The following GRIP1 variants were observed in gnomAD, a reference collection of about 807,000 sequenced individuals.
The protein encoded by GRIP1 is glutamate receptor interacting protein 1, also known as glutamate receptor-interacting protein 1.
Under a neutral mutation model 129.9 loss-of-function variants are expected in GRIP1, and 45 were observed. That is an observed-to-expected ratio of 0.35 (90% CI 0.27 to 0.44). GRIP1 has a LOEUF of 0.44. Ranked by LOEUF, GRIP1 falls within the 20% of genes least tolerant of loss-of-function variation. The probability of loss-of-function intolerance (pLI) is 1.00; values close to 1 mark genes in which losing one functional copy is unlikely to be tolerated. For synonymous variants in GRIP1, 530 were observed against 520.8 expected, an observed-to-expected ratio of 1.02 and a Z score of -0.24; for missense variants, 1,196 against 1,396.8, an observed-to-expected ratio of 0.86 and a Z score of 2.29.
chr12:67,020,774 T>A (rs955808658), intron 1 of GRIP1, among the ~76,000 whole-genome samples: 1 of 152,174 alleles, frequency 6.6e-6, no homozygotes, highest in Non-Finnish European at 1.5e-5. Flanking sequence ...TATAAAGTAT[T>A]GTTGACATAA....
intron 1 of GRIP1, among the ~76,000 whole-genome samples, chr12:67,053,151 G>A (rs1159684163): frequency 2.0e-5 from 3 of 152,164 alleles, no homozygotes; most frequent in Non-Finnish European, 4.4e-5. Flanking sequence ...CAGGAGGAAG[G>A]GGTAGATCAC....
At position 66,600,697 on chromosome 12, in the gene GRIP1, G is replaced by C. The variant is rs528740678; in HGVS notation, c.56-3770C>G. Among the ~76,000 whole-genome samples the C allele has an allele frequency of 3.2e-4, 49 of 152,234 alleles. No homozygotes were observed. In the South Asian group the frequency reaches 4.8e-3, roughly 15 times the overall value. On this transcript the variant is annotated intron_variant, in intron 1 of 24. Coordinates refer to ENST00000359742, the MANE Select transcript of GRIP1 (RefSeq NM_001366722.1). ...TCCTTCCATTTTCATTCAGATTATA[G>C]AATGATTTATTGACCAACCTTTAAA...
intron 1 of GRIP1, among the ~76,000 whole-genome samples, chr12:66,601,473 G>A (rs1320140981): frequency 6.6e-6 from 1 of 152,026 alleles, no homozygotes; most frequent in African/African-American, 2.4e-5. Context: ...TCTCACTCTG[G>A]GCTATGCAGA....
intron 1 of GRIP1, among the ~76,000 whole-genome samples, chr12:66,674,612 A>T (rs2034237934): frequency 6.6e-6 from 1 of 152,178 alleles, no homozygotes; most frequent in Non-Finnish European, 1.5e-5. Context: ...GTCAGAGAGA[A>T]TTGAGAATAA....
chr12:67,046,599 T>C (rs1360426830), intron 1 of GRIP1, among the ~76,000 whole-genome samples: 1 of 152,214 alleles, frequency 6.6e-6, no homozygotes, highest in Non-Finnish European at 1.5e-5. Flanking sequence ...GTTACTGAAA[T>C]CTTTTCTAAT....
intron 1 of GRIP1, among the ~76,000 whole-genome samples, chr12:66,732,294 T>C (rs1263449002): frequency 3.3e-5 from 5 of 152,192 alleles, no homozygotes; most frequent in African/African-American, 1.2e-4. Flanking sequence ...CTCACACCTG[T>C]AATCCCAGTA....
At chr12:66,774,165 C>A (rs2037907607) in intron 1 of GRIP1, among the ~76,000 whole-genome samples, 1 of 152,148 alleles carries the variant, frequency 6.6e-6, no homozygotes, top group Non-Finnish European at 1.5e-5. Flanking sequence ...CCACCATATA[C>A]TCATTGTGTG....
intron 3 of GRIP1, among the ~76,000 whole-genome samples, chr12:66,540,891 C>T (rs905361841): frequency 4.6e-5 from 7 of 152,144 alleles, no homozygotes; most frequent in South Asian, 2.1e-4. Context: ...GCCTCCTGGG[C>T]GGATTCAAGT....
chr12:66,540,835 T>C (rs2061754362), intron 3 of GRIP1, among the ~76,000 whole-genome samples: 1 of 152,148 alleles, frequency 6.6e-6, no homozygotes, highest in South Asian at 2.1e-4. Flanking sequence ...GCTGCTGTTG[T>C]CCAGGCTGGA....
chr12:66,403,650 G>T (rs985754086), intron 16 of GRIP1, among the ~76,000 whole-genome samples: 2 of 152,056 alleles, frequency 1.3e-5, no homozygotes, highest in Admixed American at 6.5e-5. Context: ...GTCTTATTTT[G>T]GGTGGTTGTA....
intron 7 of GRIP1, among the ~76,000 whole-genome samples, chr12:66,482,215 A>T (rs562860655): frequency 2.0e-5 from 3 of 152,314 alleles, no homozygotes; most frequent in East Asian, 3.9e-4. Context: ...CATAAGGGCT[A>T]TAGAAAGCAA....
chr12:66,801,312 A>C (rs1047914353), intron 1 of GRIP1, among the ~76,000 whole-genome samples: 8 of 152,086 alleles, frequency 5.3e-5, no homozygotes, highest in African/African-American at 1.9e-4. Flanking sequence ...AAAAAATCAA[A>C]CATGGCCATC....
chr12:67,054,264 G>A (rs1412258967), intron 1 of GRIP1, among the ~76,000 whole-genome samples: 1 of 152,202 alleles, frequency 6.6e-6, no homozygotes, highest in Non-Finnish European at 1.5e-5. Flanking sequence ...CAACCTGAGA[G>A]ATTTCATTTA....
intron 1 of GRIP1, among the ~76,000 whole-genome samples, chr12:67,066,446 T>C (rs770586237): frequency 6.6e-6 from 1 of 152,186 alleles, no homozygotes; most frequent in Non-Finnish European, 1.5e-5. Context: ...AAAAAAATGT[T>C]ATGCTAGAGT....
At chr12:66,647,648 A>G (rs555672298) in intron 1 of GRIP1, among the ~76,000 whole-genome samples, 5 of 152,250 alleles carry the variant, frequency 3.3e-5, no homozygotes, top group Admixed American at 6.5e-5. Context: ...AAGAAAAATA[A>G]GACCCTTATT....
chr12:66,730,462 A>T (rs1178127779), intron 1 of GRIP1, among the ~76,000 whole-genome samples: 2 of 152,148 alleles, frequency 1.3e-5, no homozygotes, highest in African/African-American at 4.8e-5. Flanking sequence ...GCTTAAGTTT[A>T]TATTTACAAT....
intron 1 of GRIP1, among the ~76,000 whole-genome samples, chr12:67,004,286 T>C (rs1489916837): frequency 6.6e-6 from 1 of 152,198 alleles, no homozygotes. Context: ...GGTTACTCAC[T>C]AGCTTTCAAT....
chr12:66,963,943 G>A (rs980989199), intron 1 of GRIP1, among the ~76,000 whole-genome samples: 12 of 151,952 alleles, frequency 7.9e-5, no homozygotes, highest in Non-Finnish European at 1.5e-4. Flanking sequence ...TTCTGTCAGT[G>A]CCTACACCAG....
Position 67,060,666 on chromosome 12 carries a change from C to CA in GRIP1, c.58+8383dup, listed in dbSNP as rs2043516390. Among the ~76,000 whole-genome samples, 6 of 151,668 alleles carry CA rather than the reference C, an allele frequency of 4.0e-5. 1 individual carries two copies. In the South Asian group the frequency reaches 1.3e-3, roughly 32 times the overall value. On this transcript the variant is annotated intron_variant, in intron 1 of 1. Coordinates refer to the GRIP1 transcript ENST00000643019. ...TGAAACCCCATCTGTATTAAAAATA[C>CA]AAAAAAATTAGTCAGGTGTGGTGGT... is the stretch of plus-strand genomic sequence containing the variant.
Sources: gnomAD v4.1 joint callset for allele counts (sites outside exome capture counted in the v4.1 genomes callset) on GRCh38, gnomAD v4.1.1 for gene constraint, MANE v1.5 for transcripts, NCBI Gene and HGNC (gene_info 2026-07-23, HGNC 2026-07-21) for gene names.